Variants in LOC400499 observed in about 807,000 individuals in gnomAD.
At chr16:11,417,491 G>T in the LOC400499 span, 1 of 397,530 alleles carries the variant, frequency 2.5e-6, no homozygotes, top group Non-Finnish European at 4.4e-6. Flanking sequence ...GACGGGCAAG[G>T]CTGTCTTGGT....
chr16:11,430,476 G>A, the LOC400499 span, among the ~76,000 whole-genome samples: 10 of 151,984 alleles, frequency 6.6e-5, 1 homozygote, highest in African/African-American at 2.4e-4. Context: ...GGGGACAAGA[G>A]CAAAACTCAG....
At chr16:11,457,024 G>A in the LOC400499 span, 34 of 1,527,932 alleles carry the variant, frequency 2.2e-5, no homozygotes, top group Non-Finnish European at 2.9e-5. Flanking sequence ...TGCCTCTCAG[G>A]CACCTGCAGC....
chr16:11,435,504 T>C, the LOC400499 span, among the ~76,000 whole-genome samples: 1 of 152,226 alleles, frequency 6.6e-6, no homozygotes, highest in African/African-American at 2.4e-5. Flanking sequence ...CACCACCCTC[T>C]TTTCATGCCC....
At chr16:11,485,455 A>C in the LOC400499 span, among the ~76,000 whole-genome samples, 2 of 152,138 alleles carry the variant, frequency 1.3e-5, no homozygotes, top group Non-Finnish European at 1.5e-5. Flanking sequence ...CTCGTGTATC[A>C]ATCACTAGGC....
the LOC400499 span, among the ~76,000 whole-genome samples, chr16:11,518,302 T>G: frequency 1.3e-5 from 2 of 152,018 alleles, no homozygotes; most frequent in African/African-American, 4.8e-5. Flanking sequence ...GAGAAGGAGT[T>G]GTCTTCAGGC....
At chr16:11,439,627 A>G in the LOC400499 span, 2 of 398,938 alleles carry the variant, frequency 5.0e-6, no homozygotes, top group Non-Finnish European at 8.8e-6. Flanking sequence ...ACAGAGAGAG[A>G]GATGCAGAAC....
the LOC400499 span, among the ~76,000 whole-genome samples, chr16:11,393,832 C>G: frequency 2.0e-5 from 3 of 152,220 alleles, no homozygotes; most frequent in African/African-American, 7.2e-5. Flanking sequence ...AATCCCAGCA[C>G]TTCAGGAGGC....
At chr16:11,393,172 T>C in the LOC400499 span, among the ~76,000 whole-genome samples, 1 of 149,690 alleles carries the variant, frequency 6.7e-6, no homozygotes, top group East Asian at 2.0e-4. Context: ...CCCTTTTTTT[T>C]AAGTAGAGAC....
chr16:11,489,836 T>C, the LOC400499 span, among the ~76,000 whole-genome samples: 1 of 152,224 alleles, frequency 6.6e-6, no homozygotes, highest in Non-Finnish European at 1.5e-5. Context: ...GACTTTTAAA[T>C]GTACACACCC....
At chr16:11,502,312 T>G in the LOC400499 span, 1 of 395,736 alleles carries the variant, frequency 2.5e-6, no homozygotes, top group Non-Finnish European at 4.4e-6. Context: ...TCCCAGGATG[T>G]GCTGAGACCC....
chr16:11,460,917 G>A, the LOC400499 span: 10 of 1,489,736 alleles, frequency 6.7e-6, no homozygotes, highest in South Asian at 9.0e-5. Context: ...AACAGGGCAG[G>A]CCCTGCCACC....
At chr16:11,396,590 G>T in the LOC400499 span, 2 of 1,232,210 alleles carry the variant, frequency 1.6e-6, no homozygotes, top group Non-Finnish European at 2.0e-6. Context: ...GCCGTGGTCT[G>T]GGTCTGGTGC....
chr16:11,527,029 A>G, the LOC400499 span, among the ~76,000 whole-genome samples: 2 of 152,230 alleles, frequency 1.3e-5, no homozygotes, highest in African/African-American at 4.8e-5. Context: ...TCTGGCTACA[A>G]AAGCGCAATC....
chr16:11,480,419 C>T, the LOC400499 span, among the ~76,000 whole-genome samples: 14 of 152,168 alleles, frequency 9.2e-5, no homozygotes. Flanking sequence ...AACATGTGAC[C>T]AAGCGAACCA....
At chr16:11,483,981 C>G in the LOC400499 span, among the ~76,000 whole-genome samples, 3 of 134,510 alleles carry the variant, frequency 2.2e-5, no homozygotes, top group African/African-American at 8.5e-5. Flanking sequence ...AGAGGAGAAG[C>G]AGGAGGAAGG....
chr16:11,425,350 C>A, the LOC400499 span: 1 of 399,284 alleles, frequency 2.5e-6, no homozygotes, highest in Non-Finnish European at 4.4e-6. Flanking sequence ...ACGCTGCGCA[C>A]GCTGGTGCCG....
chr16:11,456,148 G>A, the LOC400499 span, among the ~76,000 whole-genome samples: 67 of 151,714 alleles, frequency 4.4e-4, no homozygotes, highest in African/African-American at 9.9e-4. Flanking sequence ...GGGTTCAAGC[G>A]ATCCTCCTGC....
At chr16:11,392,134 G>A in the LOC400499 span, 15 of 399,134 alleles carry the variant, frequency 3.8e-5, no homozygotes, top group South Asian at 1.3e-4. Flanking sequence ...CTGGGGCCTC[G>A]CAGGAATGAA....
chr16:11,478,750 C>T, the LOC400499 span: 1 of 398,810 alleles, frequency 2.5e-6, no homozygotes, highest in East Asian at 3.6e-5. Flanking sequence ...TATGGTTTGG[C>T]TGTGTCCCCA....
Sources: allele counts gnomAD v4.1 joint callset (sites outside exome capture counted in the v4.1 genomes callset), GRCh38; gene constraint gnomAD v4.1.1; transcripts MANE v1.5.